NUP98: variants seen among roughly 807,000 people sequenced by gnomAD.
The protein encoded by NUP98 is nuclear pore complex protein Nup98-Nup96.
In NUP98, 26 loss-of-function variants were observed where a neutral mutation model predicts 191.9. The ratio of observed to expected loss-of-function variants is 0.14; its 90% CI spans 0.10 to 0.19. The LOEUF (loss-of-function observed/expected upper bound fraction) is 0.19, where lower values mean the gene tolerates loss of function less well. NUP98 is among the 10% of genes least tolerant of loss of function. The probability of loss-of-function intolerance (pLI) is 1.00; values close to 1 mark genes in which losing one functional copy is unlikely to be tolerated. For missense variants in NUP98, 1,941 were observed against 2,178.8 expected, an observed-to-expected ratio of 0.89 and a Z score of 2.17; for synonymous variants, 808 against 778.4, an observed-to-expected ratio of 1.04 and a Z score of -0.63.
chr11:3,715,384 C>T (rs554469095), intron 18 of NUP98, among the ~76,000 whole-genome samples: 44 of 151,864 alleles, frequency 2.9e-4, no homozygotes, highest in Non-Finnish European at 5.3e-4. Flanking sequence ...CCACCTGCCT[C>T]GGCCTCCCAA....
At chr11:3,747,553 G>T (rs374346035) in intron 11 of NUP98, among the ~76,000 whole-genome samples, 1 of 152,104 alleles carries the variant, frequency 6.6e-6, no homozygotes, top group African/African-American at 2.4e-5. Flanking sequence ...CACATGGGGC[G>T]GGAGAAAATC....
chr11:3,748,964 T>C (rs897337212), intron 11 of NUP98, among the ~76,000 whole-genome samples: 2 of 151,436 alleles, frequency 1.3e-5, no homozygotes, highest in Non-Finnish European at 1.5e-5. Flanking sequence ...AAAAAAACAA[T>C]TATATAACCA....
chr11:3,778,785 G>T, intron 4 of NUP98, 88 bp downstream of exon 4: 1 of 1,364,668 alleles, frequency 7.3e-7, no homozygotes, highest in Non-Finnish European at 1.0e-6. Context: ...AAAGAAGGTA[G>T]ATGAACACAG....
At chr11:3,764,887 T>C (rs1030180441) in intron 8 of NUP98, among the ~76,000 whole-genome samples, 3 of 152,208 alleles carry the variant, frequency 2.0e-5, no homozygotes, top group African/African-American at 7.2e-5. Flanking sequence ...CTGTTAGTCT[T>C]TTTTTATTGT....
At chr11:3,725,521 G>A (rs372763908) in intron 14 of NUP98, among the ~76,000 whole-genome samples, 6 of 152,208 alleles carry the variant, frequency 3.9e-5, no homozygotes, top group South Asian at 2.1e-4. Flanking sequence ...CAGACACTTC[G>A]TTCACTCATC....
chr11:3,680,575 T>C (rs1448658046), intron 30 of NUP98, among the ~76,000 whole-genome samples: 5 of 152,200 alleles, frequency 3.3e-5, no homozygotes, highest in African/African-American at 1.2e-4. Context: ...GGGGTCTCAC[T>C]CTCTCACTCA....
intron 2 of NUP98, among the ~76,000 whole-genome samples, chr11:3,780,433 C>G (rs1483159541): frequency 2.0e-5 from 3 of 146,832 alleles, no homozygotes; most frequent in Non-Finnish European, 4.5e-5. Context: ...TCCCAGCTAC[C>G]GGGGAGGCTG....
intron 5 of NUP98, 62 bp from the exon 6 acceptor site, chr11:3,773,801 A>G: frequency 1.0e-6 from 1 of 965,434 alleles, no homozygotes; most frequent in South Asian, 1.4e-5. Context: ...TCTCTCAGAT[A>G]CAATTTCTCA....
intron 4 of NUP98, among the ~76,000 whole-genome samples, chr11:3,778,198 C>CAAAAAAA (rs71302029): frequency 3.1e-4 from 19 of 60,482 alleles, no homozygotes; most frequent in East Asian, 5.0e-4. Flanking sequence ...GACTCCATCT[C>CAAAAAAA]AAAAAAAAAA....
intron 1 of NUP98, among the ~76,000 whole-genome samples, chr11:3,784,325 G>GAA (rs201208462): frequency 2.0e-4 from 31 of 151,474 alleles, no homozygotes; most frequent in African/African-American, 7.5e-4. Flanking sequence ...AATTTCCTAG[G>GAA]AAAAAAAATC....
intron 2 of NUP98, among the ~76,000 whole-genome samples, chr11:3,780,555 A>AG: frequency 6.9e-6 from 1 of 145,850 alleles, no homozygotes; most frequent in African/African-American, 2.7e-5. Flanking sequence ...AAAAAAAAAA[A>AG]AAAAAAAGAA....
intron 18 of NUP98, among the ~76,000 whole-genome samples, chr11:3,714,293 G>A (rs959299825): frequency 2.0e-5 from 3 of 152,108 alleles, no homozygotes; most frequent in Non-Finnish European, 2.9e-5. Flanking sequence ...ACTTATTTAA[G>A]TTACAGTCCA....
intron 10 of NUP98, chr11:3,760,299 A>T: frequency 1.9e-6 from 1 of 535,308 alleles, no homozygotes; most frequent in South Asian, 2.8e-5. Flanking sequence ...AGTAAATGAA[A>T]GGCAATTTAC....
In NUP98 at chr11:3,746,294, A is replaced by AAAAAAAAAAACG. The variant is rs144936005; in HGVS notation, c.1268-1646_1268-1645insCGTTTTTTTTTT. 1.3e-4 allele frequency among the ~76,000 whole-genome samples: 12 copies of AAAAAAAAAAACG among 93,104 alleles called. 1 individual carries two copies. Among genetic ancestry groups the AAAAAAAAAAACG allele is most frequent in the Non-Finnish European group, 9.8e-5 (5 of 51,132 alleles). 61.1% of individuals were successfully genotyped at this position (93,104 alleles called of 152,430 possible). ...CAAAAAAAAAAAAAAAAAAAAAAAA[A>AAAAAAAAAAACG]GACAGCTTTGGGACAAAGAATAAGA... On this transcript the variant is annotated intron_variant, in intron 11 of 32. Coordinates refer to ENST00000324932, the MANE Select transcript of NUP98 (RefSeq NM_016320.5).
In NUP98 at chr11:3,773,890, C is replaced by T. The variant is rs189507747; in HGVS notation, c.496-151G>A. The T allele has an allele frequency of 5.7e-6, 3 of 526,652 alleles. No homozygotes were observed. In the East Asian group the frequency reaches 9.3e-5, roughly 16 times the overall value. The allele number at this position is 526,652 out of a possible 1,614,324, so 32.6% of individuals were successfully genotyped here. ...AAGGGTGCTTGATTAAATATACTGC[C>T]ATTTCTGATCTCTCCCTACATCAAG... On this transcript the variant is annotated intron_variant, in intron 5 of 32. Coordinates refer to ENST00000324932, the MANE Select transcript of NUP98 (RefSeq NM_016320.5).
chr11:3,757,095 A>AT lies in NUP98; in HGVS notation c.1174+3443_1174+3444insA, dbSNP rs1405271738. ...AGAGCGAGACTCCATCTCAAAAAAA[A>AT]AATATATATATATATCTATATATCT... is the stretch of plus-strand genomic sequence containing the variant. On this transcript the variant is annotated intron_variant, in intron 10 of 32. Transcript: ENST00000324932. 1.6e-3 allele frequency among the ~76,000 whole-genome samples: 232 copies of AT among 140,952 alleles called. 1 individual carries two copies. The highest frequency in any genetic ancestry group is 5.0e-3 in the East Asian group (25 of 4,952). The allele number at this position is 140,952 out of a possible 152,430, so 92.5% of individuals were successfully genotyped here. A position where few individuals can be genotyped will look rare whatever the true frequency, so the allele number is the denominator to read the frequency against.
At chr11:3,713,430 G>T (rs2079079789) in intron 19 of NUP98, among the ~76,000 whole-genome samples, 1 of 152,136 alleles carries the variant, frequency 6.6e-6, no homozygotes, top group Non-Finnish European at 1.5e-5. Context: ...AAAATAAAGA[G>T]AATTTGGCTG....
At chr11:3,678,478 G>A (rs559957368) in intron 31 of NUP98, among the ~76,000 whole-genome samples, 1 of 152,304 alleles carries the variant, frequency 6.6e-6, no homozygotes, top group East Asian at 1.9e-4. Context: ...TCTGACAGGT[G>A]CACTAGTAGA....
intron 9 of NUP98, 56 bp downstream of exon 9, chr11:3,762,846 T>G: frequency 6.3e-7 from 1 of 1,583,020 alleles, no homozygotes. Context: ...TAGAAGAAAA[T>G]TCCTTTTAAC....
Sources: allele counts gnomAD v4.1 joint callset (sites outside exome capture counted in the v4.1 genomes callset), GRCh38; gene constraint gnomAD v4.1.1; transcripts MANE v1.5; gene names NCBI Gene and HGNC (gene_info 2026-07-23, HGNC 2026-07-21).